The following NRXN1 variants were observed in gnomAD, a reference collection of about 807,000 sequenced individuals.
The protein encoded by NRXN1 is neurexin-1.
NRXN1 carries 39 observed loss-of-function variants against 150.9 expected under a neutral mutation model. The observed-to-expected ratio is 0.26, with a 90% CI of 0.20 to 0.34. The LOEUF is 0.34. Ranked by LOEUF, NRXN1 falls within the 10% of genes least tolerant of loss-of-function variation. The pLI is 1.00. For synonymous variants in NRXN1, 924 were observed against 757.0 expected (o/e 1.22, Z -3.62); for missense variants, 1,815 against 1,949.9 (o/e 0.93, Z 1.30).
At chr2:50,309,186 C>T (rs988558202) in intron 17 of NRXN1, among the ~76,000 whole-genome samples, 11 of 152,110 alleles carry the variant, frequency 7.2e-5, no homozygotes, top group African/African-American at 2.2e-4. Context: ...GGTTGGTTAG[C>T]CCGGCCTCAG....
intron 15 of NRXN1, among the ~76,000 whole-genome samples, chr2:50,492,461 C>A (rs2091307753): frequency 1.3e-5 from 2 of 152,070 alleles, no homozygotes; most frequent in Admixed American, 1.3e-4. Flanking sequence ...ACATGAGCCC[C>A]AGTTTTCAAA....
chr2:50,180,328 T>A lies in NRXN1; in HGVS notation c.3546+56461A>T, dbSNP rs1299042280. Among the ~76,000 whole-genome samples the A allele has an allele frequency of 4.6e-5, 7 of 152,220 alleles. No homozygotes were observed. In the East Asian group the frequency reaches 9.7e-4, roughly 21 times the overall value. ...GGGTGAGCCACTGTGCCAGGCTCAA[T>A]TTTTGTTTTTAATGATAATAGCTAA... is the stretch of plus-strand genomic sequence containing the variant. On this transcript the variant is annotated intron_variant, in intron 18 of 22. Transcript: ENST00000401669.
At chr2:50,765,538 G>A (rs1355717837) in intron 5 of NRXN1, among the ~76,000 whole-genome samples, 1 of 152,040 alleles carries the variant, frequency 6.6e-6, no homozygotes, top group Non-Finnish European at 1.5e-5. Context: ...GGTATGAACC[G>A]TAGGCTAGTG....
At chr2:50,334,192 A>ATTTTTTATATATATATATATATATAT (rs1553457970) in intron 17 of NRXN1, among the ~76,000 whole-genome samples, 1 of 118,980 alleles carries the variant, frequency 8.4e-6, no homozygotes, top group South Asian at 2.6e-4. Flanking sequence ...ACCAGGACCA[A>ATTTTTTATATATATATATATATATAT]ATATATATAT....
intron 5 of NRXN1, among the ~76,000 whole-genome samples, chr2:50,784,765 A>T (rs1313125613): frequency 6.6e-6 from 1 of 152,052 alleles, no homozygotes; most frequent in Admixed American, 6.6e-5. Flanking sequence ...CTAATGAAAG[A>T]GACAGTTTCC....
intron 19 of NRXN1, among the ~76,000 whole-genome samples, chr2:50,073,505 T>C (rs1696603044): frequency 1.3e-5 from 2 of 152,204 alleles, no homozygotes; most frequent in Admixed American, 1.3e-4. Flanking sequence ...CCAGTTTCTT[T>C]TCCATGATCC....
chr2:50,551,013 A>AGGAAGG (rs1166114780), intron 9 of NRXN1, among the ~76,000 whole-genome samples: 1 of 109,338 alleles, frequency 9.1e-6, no homozygotes, highest in Non-Finnish European at 1.9e-5. Flanking sequence ...GAAGAGGAGG[A>AGGAAGG]GGAAGAGGAA....
chr2:50,436,118 G>A (rs573331689), intron 17 of NRXN1, among the ~76,000 whole-genome samples: 128 of 152,216 alleles, frequency 8.4e-4, no homozygotes, highest in African/African-American at 3.0e-3. Flanking sequence ...TTAATCTATT[G>A]TTCTTCCTGG....
chr2:50,579,263 T>A (rs148951667), intron 8 of NRXN1, among the ~76,000 whole-genome samples: 1 of 152,190 alleles, frequency 6.6e-6, no homozygotes, highest in Non-Finnish European at 1.5e-5. Context: ...TAGGATGGGA[T>A]TGATTACATT....
At chr2:51,014,440 G>A (rs1558587734) in intron 2 of NRXN1, among the ~76,000 whole-genome samples, 1 of 151,950 alleles carries the variant, frequency 6.6e-6, no homozygotes, top group African/African-American at 2.4e-5. Context: ...AGCAGAGAAA[G>A]GATATTCATT....
chr2:50,233,529 G>T (rs2065154182), intron 18 of NRXN1, among the ~76,000 whole-genome samples: 1 of 152,034 alleles, frequency 6.6e-6, no homozygotes, highest in East Asian at 1.9e-4. Context: ...ATATATTTCA[G>T]CAATGATGGA....
chr2:50,818,976 G>C (rs1337600903), intron 5 of NRXN1, among the ~76,000 whole-genome samples: 1 of 152,016 alleles, frequency 6.6e-6, no homozygotes, highest in African/African-American at 2.4e-5. Flanking sequence ...AAAGCAATGC[G>C]ATATCAACCG....
intron 5 of NRXN1, among the ~76,000 whole-genome samples, chr2:50,864,815 G>C (rs1676644795): frequency 6.6e-6 from 1 of 151,972 alleles, no homozygotes; most frequent in African/African-American, 2.4e-5. Context: ...GTCCAAAGCA[G>C]TGGTTTTCAG....
intron 5 of NRXN1, among the ~76,000 whole-genome samples, chr2:50,701,175 TTCTACTA>T: frequency 6.6e-6 from 1 of 152,222 alleles, no homozygotes; most frequent in Non-Finnish European, 1.5e-5. Flanking sequence ...CAGATAATAT[TTCTACTA>T]TCTAATTTTT....
At chr2:50,453,378 T>C (rs994427322) in intron 17 of NRXN1, among the ~76,000 whole-genome samples, 5 of 152,208 alleles carry the variant, frequency 3.3e-5, no homozygotes, top group Non-Finnish European at 7.3e-5. Flanking sequence ...ATGACTAATC[T>C]AGTCAAACTA....
At chr2:50,889,694 A>G (rs1413506520) in intron 5 of NRXN1, among the ~76,000 whole-genome samples, 1 of 151,728 alleles carries the variant, frequency 6.6e-6, no homozygotes, top group African/African-American at 2.4e-5. Context: ...TAAATATAGA[A>G]TAAGACTTTG....
At chr2:50,037,727 G>A (rs868381854) in intron 21 of NRXN1, among the ~76,000 whole-genome samples, 6 of 152,198 alleles carry the variant, frequency 3.9e-5, no homozygotes, top group South Asian at 4.2e-4. Context: ...GAGTACAAAC[G>A]ATTATTACTA....
At chr2:50,757,194 G>A (rs565080580) in intron 5 of NRXN1, among the ~76,000 whole-genome samples, 18 of 151,934 alleles carry the variant, frequency 1.2e-4, no homozygotes, top group Non-Finnish European at 2.4e-4. Context: ...GGAAATTATA[G>A]AATCTTCAGT....
At chr2:50,428,290 CT>C (rs1157704752) in intron 17 of NRXN1, among the ~76,000 whole-genome samples, 2 of 152,116 alleles carry the variant, frequency 1.3e-5, no homozygotes, top group African/African-American at 4.8e-5. Context: ...TGGCACACAC[CT>C]GTGGTCTCAG....
Sources: allele counts gnomAD v4.1 joint callset (sites outside exome capture counted in the v4.1 genomes callset), GRCh38; gene constraint gnomAD v4.1.1; transcripts MANE v1.5; gene names NCBI Gene and HGNC (gene_info 2026-07-23, HGNC 2026-07-21).